The following CEP112 variants were observed in gnomAD, a reference collection of about 807,000 sequenced individuals.
CEP112 encodes centrosomal protein 112.
A neutral mutation model predicts 153.0 loss-of-function variants in CEP112; 127 were observed. The observed-to-expected ratio is 0.83, with a 90% CI of 0.72 to 0.96. The LOEUF (loss-of-function observed/expected upper bound fraction) is 0.96, where lower values mean the gene tolerates loss of function less well. Ranked by LOEUF, CEP112 falls within the 40% of genes least tolerant of loss-of-function variation. The pLI is 0.00. For synonymous variants in CEP112, 358 were observed against 374.4 expected, an observed-to-expected ratio of 0.96 and a Z score of 0.51; for missense variants, 1,089 against 1,101.2, an observed-to-expected ratio of 0.99 and a Z score of 0.16.
At chr17:66,142,043 A>G (rs1395158039) in intron 4 of CEP112, among the ~76,000 whole-genome samples, 2 of 152,108 alleles carry the variant, frequency 1.3e-5, no homozygotes, top group African/African-American at 2.4e-5. Flanking sequence ...ACAACACTTG[A>G]TATCTTTTGT....
chr17:66,043,133 CTG>C, intron 12 of CEP112: 1 of 931,232 alleles, frequency 1.1e-6, no homozygotes, highest in Non-Finnish European at 1.3e-6. Flanking sequence ...GGAATTCAGA[CTG>C]TCGCTGAATT....
In CEP112 at chr17:65,961,570, TCA is replaced by T; in HGVS notation, c.1763_1764del (p.Val588AspfsTer2). 2.5e-6 allele frequency: 4 copies of T among 1,612,806 alleles called. No homozygotes were observed. The highest frequency in any genetic ancestry group is 3.4e-6 in the Non-Finnish European group (4 of 1,178,978). On this transcript the variant is annotated frameshift_variant, in exon 18 of 27. Transcript: ENST00000535342. LOFTEE classifies it high-confidence loss of function. ...LKEKEEQLTRVTEVQRLQAQQ... is the reference protein window; with the variant it reads ...LKEKEEQLTRXTEVQRLQAQQ... The stretch of plus-strand genomic sequence containing the variant: ...TGGGCCTGCAACCTCTGAACTTCAG[TCA>T]CACGAGTTAGCTGCTCCTCTTTTTC...
At chr17:65,885,539 T>C (rs745588062) in intron 20 of CEP112, among the ~76,000 whole-genome samples, 6 of 152,134 alleles carry the variant, frequency 3.9e-5, no homozygotes, top group Non-Finnish European at 8.8e-5. Flanking sequence ...TACCCTGCAA[T>C]GTACTTCAAC....
intron 17 of CEP112, among the ~76,000 whole-genome samples, chr17:65,970,688 C>T (rs144746382): frequency 0.01 from 1,583 of 152,044 alleles, 17 homozygotes; most frequent in Non-Finnish European, 0.018. Context: ...ATATCACACA[C>T]ATGCATATTA....
chr17:65,692,682 A>G (rs185903137), intron 23 of CEP112, among the ~76,000 whole-genome samples: 2 of 152,230 alleles, frequency 1.3e-5, no homozygotes, highest in East Asian at 3.9e-4. Context: ...GCCCTAATCT[A>G]TACAAGAGCT....
chr17:65,969,273 T>C (rs73338603), intron 17 of CEP112, among the ~76,000 whole-genome samples: 3,346 of 152,156 alleles, frequency 0.022, 129 homozygotes, highest in African/African-American at 0.076. Flanking sequence ...TTAGTAAACA[T>C]GGGGTTTTGC....
intron 20 of CEP112, among the ~76,000 whole-genome samples, chr17:65,871,610 G>A (rs181696509): frequency 6.6e-6 from 1 of 152,144 alleles, no homozygotes; most frequent in Non-Finnish European, 1.5e-5. Context: ...ACTCCAGCCT[G>A]GGTGACAGAG....
intron 19 of CEP112, among the ~76,000 whole-genome samples, chr17:65,907,254 T>C (rs2060117868): frequency 2.6e-5 from 4 of 152,214 alleles, no homozygotes; most frequent in Admixed American, 2.0e-4. Flanking sequence ...AAGTTTCTTA[T>C]AGACTCATCA....
chr17:65,641,407 T>G (rs2045126755), intron 24 of CEP112, among the ~76,000 whole-genome samples: 1 of 152,206 alleles, frequency 6.6e-6, no homozygotes, highest in Non-Finnish European at 1.5e-5. Flanking sequence ...TTGATCAGGA[T>G]GTGAACTCCA....
Position 66,063,049 on chromosome 17 carries a change from T to C in CEP112, c.988A>G (p.Arg330Gly). ...QTLIRDCQVI[R>G]ETKEDQIAEL... ...GCAATCTGGTCTTCTTTAGTCTCTCTGATAACTTGACAGTCACGTATCAGT... is the reference window on the plus strand; with the variant it reads ...GCAATCTGGTCTTCTTTAGTCTCTCCGATAACTTGACAGTCACGTATCAGT... Residue 330 changes from arginine to glycine, a missense_variant, in exon 11 of 27, where the codon AGA becomes GGA. Coordinates refer to ENST00000535342, the MANE Select transcript of CEP112 (RefSeq NM_001199165.4). 1 of 1,593,342 alleles carries C rather than the reference T, an allele frequency of 6.3e-7. No individual in the cohort carries two copies. The highest frequency in any genetic ancestry group is 8.5e-7 in the Non-Finnish European group (1 of 1,171,220).
At chr17:65,675,521 A>G (rs952640416) in intron 24 of CEP112, among the ~76,000 whole-genome samples, 8 of 152,158 alleles carry the variant, frequency 5.3e-5, no homozygotes, top group Non-Finnish European at 1.0e-4. Context: ...AATATTTTAA[A>G]GGAAGAAAGA....
At chr17:66,123,351 A>C (rs2069686922) in intron 6 of CEP112, among the ~76,000 whole-genome samples, 1 of 152,214 alleles carries the variant, frequency 6.6e-6, no homozygotes, top group Non-Finnish European at 1.5e-5. Flanking sequence ...GTATCCCTTG[A>C]TTGGGAGCTC....
At chr17:66,035,008 A>ATATATTT (rs1454121288) in intron 12 of CEP112, among the ~76,000 whole-genome samples, 5 of 72,362 alleles carry the variant, frequency 6.9e-5, no homozygotes, top group East Asian at 1.1e-3. Context: ...ATATATATAT[A>ATATATTT]TTTTTTTTTT....
chr17:65,774,435 CAG>C (rs1319437886), intron 21 of CEP112, among the ~76,000 whole-genome samples: 1 of 152,090 alleles, frequency 6.6e-6, no homozygotes, highest in African/African-American at 2.4e-5. Flanking sequence ...CACTGTAGAG[CAG>C]AGAGACACAA....
chr17:66,026,082 A>G (rs992162574), intron 16 of CEP112, among the ~76,000 whole-genome samples: 1 of 152,104 alleles, frequency 6.6e-6, no homozygotes, highest in East Asian at 1.9e-4. Flanking sequence ...ATGGGTACAC[A>G]TGAACGTAGA....
At chr17:65,812,095 C>T (rs2055999555) in intron 21 of CEP112, among the ~76,000 whole-genome samples, 1 of 152,010 alleles carries the variant, frequency 6.6e-6, no homozygotes, top group Non-Finnish European at 1.5e-5. Flanking sequence ...GCTCCACCTC[C>T]CGGGTTCATG....
At chr17:65,884,273 T>C (rs1018782595) in intron 20 of CEP112, among the ~76,000 whole-genome samples, 2 of 152,150 alleles carry the variant, frequency 1.3e-5, no homozygotes, top group Non-Finnish European at 2.9e-5. Flanking sequence ...ACTGGGAAGA[T>C]ACAGATAATT....
At chr17:65,924,488 T>C (rs777047261) in intron 19 of CEP112, among the ~76,000 whole-genome samples, 17 of 152,178 alleles carry the variant, frequency 1.1e-4, no homozygotes, top group Non-Finnish European at 2.1e-4. Flanking sequence ...AATATGTATA[T>C]ATAGAGTGTA....
At chr17:65,971,448 T>C (rs1234162215) in intron 17 of CEP112, among the ~76,000 whole-genome samples, 5 of 71,482 alleles carry the variant, frequency 7.0e-5, no homozygotes, top group South Asian at 8.6e-4. Context: ...GGATGCCGCA[T>C]GCATGCATAT....
Sources: allele counts gnomAD v4.1 joint callset (sites outside exome capture counted in the v4.1 genomes callset), GRCh38; gene constraint gnomAD v4.1.1; transcripts MANE v1.5; gene names NCBI Gene and HGNC (gene_info 2026-07-23, HGNC 2026-07-21).